Variants in C12orf42 observed in about 807,000 individuals in gnomAD.
C12orf42 encodes the protein uncharacterized protein C12orf42.
In C12orf42, 25 loss-of-function variants were observed where a neutral mutation model predicts 21.6. The observed-to-expected ratio is 1.16, with a 90% CI of 0.84 to 1.62. The LOEUF (loss-of-function observed/expected upper bound fraction) is 1.62, where lower values mean the gene tolerates loss of function less well. C12orf42 is among the 40% of genes most tolerant of loss of function. C12orf42 has a pLI of 0.00. For missense variants in C12orf42, 483 were observed against 459.3 expected (o/e 1.05, Z -0.47); for synonymous variants, 174 against 175.0 (o/e 0.99, Z 0.05).
chr12:103,425,915 A>C (rs1949771166), intron 2 of C12orf42, among the ~76,000 whole-genome samples: 1 of 152,128 alleles, frequency 6.6e-6, no homozygotes, highest in African/African-American at 2.4e-5. Context: ...GGGGAAATCC[A>C]CCAACTCAAA....
At chr12:103,376,597 C>A (rs2045718482) in intron 3 of C12orf42, among the ~76,000 whole-genome samples, 1 of 150,880 alleles carries the variant, frequency 6.6e-6, no homozygotes, top group Middle Eastern at 3.2e-3. Context: ...ATTTCCCTGT[C>A]TTTTAGCATC....
At chr12:103,295,413 TG>T (rs2037195021) in intron 4 of C12orf42, among the ~76,000 whole-genome samples, 3 of 144,156 alleles carry the variant, frequency 2.1e-5, no homozygotes, top group South Asian at 2.1e-4. Flanking sequence ...CTGCATACAT[TG>T]TTTTTTTTTT....
chr12:103,347,806 TA>T (rs1389013961), intron 4 of C12orf42, among the ~76,000 whole-genome samples: 1 of 152,154 alleles, frequency 6.6e-6, no homozygotes, highest in Non-Finnish European at 1.5e-5. Context: ...GGAGACATTT[TA>T]CTCCAACCAG....
chr12:103,519,594 C>A, the C12orf42 span, among the ~76,000 whole-genome samples: 2 of 152,104 alleles, frequency 1.3e-5, no homozygotes, highest in Non-Finnish European at 2.9e-5. Context: ...GGGGCACAAA[C>A]CTGGACTACA....
intron 4 of C12orf42, among the ~76,000 whole-genome samples, chr12:103,309,055 TC>T: frequency 6.6e-6 from 1 of 152,216 alleles, no homozygotes. Context: ...ATCTCTGGTC[TC>T]CAGAATTTGT....
At chr12:103,117,061 T>C in the C12orf42 span, among the ~76,000 whole-genome samples, 20 of 152,336 alleles carry the variant, frequency 1.3e-4, no homozygotes, top group East Asian at 3.5e-3. Flanking sequence ...ATCCTCCTTC[T>C]AGCTATTTGA....
the C12orf42 span, chr12:103,506,023 CTGTGGCCATCTTGG>C: frequency 8.1e-5 from 17 of 210,528 alleles, no homozygotes; most frequent in Non-Finnish European, 1.2e-4. Flanking sequence ...CAGTCTCCTT[CTGTGGCCATCTTGG>C]TTAAGCTCTG....
chr12:103,170,624 T>C, the C12orf42 span, among the ~76,000 whole-genome samples: 75,925 of 151,646 alleles, frequency 0.5, 19,253 homozygotes, highest in East Asian at 0.67. Context: ...GATTATCTAA[T>C]CCAGTACAAT....
rs1262283126 is a variant in C12orf42, at chr12:103,306,354, G to C, written c.260-9C>G. On this transcript the variant is annotated splice_polypyrimidine_tract_variant and intron_variant, in intron 4 of 5. Coordinates refer to ENST00000548883, the MANE Select transcript of C12orf42 (RefSeq NM_198521.5). ...AGTCCTTTCTGGAAATACTGTGAAAGGTAAATACATTCGTTTGAAAAATTC... is the reference window on the plus strand; with the variant it reads ...AGTCCTTTCTGGAAATACTGTGAAACGTAAATACATTCGTTTGAAAAATTC... 4 of 1,582,028 alleles carry C rather than the reference G, an allele frequency of 2.5e-6. No homozygotes were observed. The highest frequency in any genetic ancestry group is 3.4e-6 in the Non-Finnish European group (4 of 1,163,772).
the C12orf42 span, among the ~76,000 whole-genome samples, chr12:103,143,833 C>G: frequency 2.0e-5 from 3 of 152,180 alleles, no homozygotes; most frequent in African/African-American, 7.2e-5. Context: ...GAGTATTAAT[C>G]CCAGCTCTGC....
chr12:103,404,886 G>A (rs996326559), intron 2 of C12orf42, among the ~76,000 whole-genome samples: 4 of 152,312 alleles, frequency 2.6e-5, no homozygotes, highest in South Asian at 4.1e-4. Flanking sequence ...TTCTGTTCAC[G>A]CTCACAGGCA....
At chr12:103,135,827 C>T in the C12orf42 span, among the ~76,000 whole-genome samples, 1 of 152,128 alleles carries the variant, frequency 6.6e-6, no homozygotes, top group Non-Finnish European at 1.5e-5. Context: ...TTGCAACAGA[C>T]ACAGTAAGAC....
At chr12:103,162,680 G>A in the C12orf42 span, 1 of 152,116 alleles carries the variant, frequency 6.6e-6, no homozygotes, top group Non-Finnish European at 1.5e-5. Context: ...CATCTTACAA[G>A]ATTCTCATCA....
intron 3 of C12orf42, among the ~76,000 whole-genome samples, chr12:103,373,855 C>G (rs1460786509): frequency 6.6e-6 from 1 of 152,180 alleles, no homozygotes; most frequent in Non-Finnish European, 1.5e-5. Context: ...AGAATAGCCA[C>G]TAGGTATACA....
intron 6 of C12orf42, chr12:103,269,671 G>C (rs2035348595): frequency 6.6e-6 from 1 of 152,118 alleles, no homozygotes; most frequent in South Asian, 2.1e-4. Context: ...ACCCAGCGGG[G>C]TGCTTGGGAT....
intron 2 of C12orf42, among the ~76,000 whole-genome samples, chr12:103,410,002 A>G (rs1404338134): frequency 6.6e-6 from 1 of 152,192 alleles, no homozygotes; most frequent in Non-Finnish European, 1.5e-5. Context: ...TTCCTGAGAC[A>G]TTTCATGTTT....
the C12orf42 span, among the ~76,000 whole-genome samples, chr12:103,061,654 G>T: frequency 2.0e-5 from 3 of 151,294 alleles, no homozygotes; most frequent in Non-Finnish European, 4.4e-5. Context: ...TAATTTTTTT[G>T]TTATAAAGTA....
intron 2 of C12orf42, among the ~76,000 whole-genome samples, chr12:103,429,515 C>A (rs1950106658): frequency 6.6e-6 from 1 of 152,078 alleles, no homozygotes; most frequent in African/African-American, 2.4e-5. Context: ...GGATAGGAAG[C>A]ATCAATATCA....
intron 4 of C12orf42, among the ~76,000 whole-genome samples, chr12:103,353,648 TC>T (rs773944966): frequency 5.9e-5 from 9 of 152,140 alleles, no homozygotes; most frequent in Non-Finnish European, 1.2e-4. Flanking sequence ...TGTATTTGCA[TC>T]ATTTCTCCCC....
Sources: allele counts gnomAD v4.1 joint callset (sites outside exome capture counted in the v4.1 genomes callset), GRCh38; gene constraint gnomAD v4.1.1; transcripts MANE v1.5; gene names NCBI Gene and HGNC (gene_info 2026-07-23, HGNC 2026-07-21).